Variants in WLS observed in about 807,000 individuals in gnomAD.
WLS encodes protein wntless homolog.
A neutral mutation model predicts 62.8 loss-of-function variants in WLS; 23 were observed. The ratio of observed to expected loss-of-function variants is 0.37; its 90% CI spans 0.26 to 0.52. WLS has a LOEUF of 0.52. Ranked by LOEUF, WLS falls within the 20% of genes least tolerant of loss-of-function variation. WLS has a pLI of 0.92. For synonymous variants in WLS, 246 were observed against 244.1 expected, an observed-to-expected ratio of 1.01 and a Z score of -0.07; for missense variants, 615 against 697.3, an observed-to-expected ratio of 0.88 and a Z score of 1.33.
At chr1:68,193,432 A>AAAAAC (rs1648469015) in intron 2 of WLS, among the ~76,000 whole-genome samples, 1 of 141,134 alleles carries the variant, frequency 7.1e-6, no homozygotes, top group Non-Finnish European at 1.5e-5. Flanking sequence ...AAAAAAAAAA[A>AAAAAC]AAAAAAAAAA....
rs571637821 is a variant in WLS, at chr1:68,143,773, T to C, written c.1362+796A>G. Among the ~76,000 whole-genome samples, 3 of 152,336 alleles carry C rather than the reference T, an allele frequency of 2.0e-5. No homozygotes were observed. The South Asian group carries it at 6.2e-4, about 32-fold the overall frequency. On this transcript the variant is annotated intron_variant, in intron 10 of 11. Transcript: ENST00000262348. ...CAGAATGCATCCCTCTTTGTAAATA[T>C]TACTTCCTGTAGTCATTACAGCAAC...
In WLS at chr1:68,153,534, G is replaced by C. The variant is rs748998121; in HGVS notation, c.786C>G (p.Pro262=). The change falls in exon 5 of 12, where the codon CCC becomes CCG. Residue 262 remains proline (P), a synonymous_variant. Coordinates refer to ENST00000262348, the MANE Select transcript of WLS (RefSeq NM_024911.7). The part of the protein sequence containing the change: ...YWRRITMMSR[P]PVLLEKVIFA... ...GCTCTTACTTTTCCAGAAGCACTGG[G>C]GGTCGGGACATCATGGTGATCCTCC... is the stretch of plus-strand genomic sequence containing the variant. 6.2e-7 allele frequency: 1 copy of C among 1,614,086 alleles called. No homozygotes were observed. The highest frequency in any genetic ancestry group is 2.2e-5 in the East Asian group (1 of 44,872).
rs373875611 is a variant in WLS at position 68,227,771 on chromosome 1, A to G, written c.106+4423T>C. Among the ~76,000 whole-genome samples, 14 of 152,314 alleles carry G rather than the reference A, an allele frequency of 9.2e-5. No individual in the cohort carries two copies. In the East Asian group the frequency reaches 9.6e-4, roughly 10 times the overall value. ...TAATCTTGTCAAGATTCTTGTCAAG[A>G]TTCTCACCAGACACCCAAATACTGA... On this transcript the variant is annotated intron_variant, in intron 1 of 11. Coordinates refer to ENST00000262348, the MANE Select transcript of WLS (RefSeq NM_024911.7).
intron 10 of WLS, 118 bp downstream of exon 10, chr1:68,144,451 A>C: frequency 4.4e-6 from 4 of 909,672 alleles, no homozygotes; most frequent in East Asian, 2.8e-5. Flanking sequence ...TGGCTTGACC[A>C]GCTGTCCAGA....
At chr1:68,145,220 G>T (rs1362919680) in intron 9 of WLS, among the ~76,000 whole-genome samples, 1 of 152,156 alleles carries the variant, frequency 6.6e-6, no homozygotes, top group Non-Finnish European at 1.5e-5. Context: ...AAACTCTGAG[G>T]TTCTGTAGTT....
intron 2 of WLS, chr1:68,161,914 C>T: frequency 6.2e-7 from 1 of 1,610,534 alleles, no homozygotes; most frequent in Middle Eastern, 1.8e-4. Flanking sequence ...TGGAGCCACG[C>T]CCACGATGCC....
At chr1:68,100,836 G>T (rs981631364) in intron 11 of WLS, 13 of 152,150 alleles carry the variant, frequency 8.5e-5, no homozygotes, top group African/African-American at 2.9e-4. Flanking sequence ...CTGCCTCAAG[G>T]TTTTTTCTTT....
intron 10 of WLS, among the ~76,000 whole-genome samples, chr1:68,139,451 C>T (rs777919302): frequency 5.3e-5 from 8 of 152,144 alleles, no homozygotes; most frequent in Non-Finnish European, 8.8e-5. Context: ...TCCAGAAATA[C>T]AGGTACCTGC....
intron 11 of WLS, among the ~76,000 whole-genome samples, chr1:68,112,706 C>T (rs1646243781): frequency 6.6e-6 from 1 of 152,168 alleles, no homozygotes; most frequent in Admixed American, 6.5e-5. Context: ...TTGTACCTCC[C>T]ATTGGTCACC....
intron 2 of WLS, among the ~76,000 whole-genome samples, chr1:68,188,860 GCGAGAGGACTCTGAACAC>G (rs1053912940): frequency 1.3e-5 from 2 of 152,202 alleles, no homozygotes; most frequent in Non-Finnish European, 2.9e-5. Flanking sequence ...GAGCCAGGAA[GCGAGAGGACTCTGAACAC>G]CGAGTCTTAT....
chr1:68,101,696 T>C (rs1298608612), intron 11 of WLS, among the ~76,000 whole-genome samples: 2 of 152,186 alleles, frequency 1.3e-5, no homozygotes, highest in African/African-American at 2.4e-5. Flanking sequence ...CTCTGAGATA[T>C]TGCACAAGAA....
chr1:68,207,103 C>T (rs1649312438), intron 1 of WLS, among the ~76,000 whole-genome samples: 1 of 152,158 alleles, frequency 6.6e-6, no homozygotes, highest in African/African-American at 2.4e-5. Context: ...CAAGCTACAG[C>T]CAACTGCATA....
At chr1:68,165,709 C>G (rs1157384560) in intron 2 of WLS, among the ~76,000 whole-genome samples, 13 of 152,208 alleles carry the variant, frequency 8.5e-5, no homozygotes, top group Non-Finnish European at 2.9e-5. Flanking sequence ...GGGGCCCACA[C>G]TTCCTGACCA....
chr1:68,115,948 C>T (rs558535433), intron 11 of WLS, among the ~76,000 whole-genome samples: 2 of 152,294 alleles, frequency 1.3e-5, no homozygotes, highest in Admixed American at 1.3e-4. Flanking sequence ...TTGTATGTCT[C>T]ACCCTGGAGG....
chr1:68,160,375 G>A (rs763627678), intron 2 of WLS, among the ~76,000 whole-genome samples: 2 of 152,042 alleles, frequency 1.3e-5, no homozygotes, highest in Non-Finnish European at 2.9e-5. Flanking sequence ...ACTTGATAAT[G>A]ATGGACTTGT....
intron 2 of WLS, among the ~76,000 whole-genome samples, chr1:68,185,074 G>A (rs1647840004): frequency 6.6e-6 from 1 of 152,112 alleles, no homozygotes. Context: ...CACCAAGCAA[G>A]CAATCAATCA....
chr1:68,124,027 ATC>A (rs774327073), downstream of WLS, among the ~76,000 whole-genome samples: 6 of 152,192 alleles, frequency 3.9e-5, no homozygotes, highest in Non-Finnish European at 5.9e-5. Flanking sequence ...TCATCCAAGA[ATC>A]TCTCTCTCTG....
At chr1:68,098,778 A>G (rs1280328622) in intron 11 of WLS, 8 of 1,607,466 alleles carry the variant, frequency 5.0e-6, no homozygotes, top group Admixed American at 1.7e-5. Context: ...ATATTTTAAA[A>G]CCATGCAAAA....
intron 11 of WLS, among the ~76,000 whole-genome samples, chr1:68,116,780 ATC>A (rs1332177934): frequency 6.6e-6 from 1 of 152,160 alleles, no homozygotes; most frequent in Non-Finnish European, 1.5e-5. Flanking sequence ...GGGTGAATGA[ATC>A]TATTTCTTTC....
Sources: gnomAD v4.1 joint callset for allele counts (sites outside exome capture counted in the v4.1 genomes callset) on GRCh38, gnomAD v4.1.1 for gene constraint, MANE v1.5 for transcripts, NCBI Gene and HGNC (gene_info 2026-07-23, HGNC 2026-07-21) for gene names.